Variants in CNTN6 observed in about 807,000 individuals in gnomAD.
CNTN6 encodes the protein contactin-6.
In CNTN6, 137 loss-of-function variants were observed where a neutral mutation model predicts 122.8. The ratio of observed to expected loss-of-function variants is 1.12; its 90% CI spans 0.97 to 1.29. The LOEUF is 1.29. CNTN6 is among the 50% of genes most tolerant of loss of function. The pLI, the probability that CNTN6 is intolerant of heterozygous loss-of-function variation, is 0.00. For missense variants in CNTN6, 1,634 were observed against 1,223.4 expected, an observed-to-expected ratio of 1.34 and a Z score of -5.01; for synonymous variants, 570 against 426.0, an observed-to-expected ratio of 1.34 and a Z score of -4.16.
intron 4 of CNTN6, among the ~76,000 whole-genome samples, chr3:1,272,743 G>A (rs1196528008): frequency 6.6e-6 from 1 of 152,076 alleles, no homozygotes; most frequent in Non-Finnish European, 1.5e-5. Context: ...CTGTGTCAGG[G>A]GCTGGCACTG....
intron 4 of CNTN6, among the ~76,000 whole-genome samples, chr3:1,262,926 ATAAC>A (rs1472687840): frequency 6.6e-6 from 1 of 152,130 alleles, no homozygotes; most frequent in Non-Finnish European, 1.5e-5. Context: ...AAAAAGAAAA[ATAAC>A]TAAAAAATAA....
rs554296749 is a variant in CNTN6, at chr3:1,293,054, T to C, written c.455-2547T>C. ...CATGCGCAAGTAGCATTTACTGTGC[T>C]CCTGCTGTTCCTGGTCTCATCTTTA... On this transcript the variant is annotated intron_variant, in intron 5 of 22. Transcript: ENST00000446702. 9.2e-5 allele frequency among the ~76,000 whole-genome samples: 14 copies of C among 152,296 alleles called. 1 individual carries two copies. Among genetic ancestry groups the C allele is most frequent in the South Asian group, 8.3e-4 (4 of 4,830 alleles).
At chr3:1,281,589 C>T (rs1310408881) in intron 5 of CNTN6, among the ~76,000 whole-genome samples, 4 of 152,002 alleles carry the variant, frequency 2.6e-5, no homozygotes, top group South Asian at 4.2e-4. Context: ...CTCAGCTTCC[C>T]GAGTAGCTGG....
intron 11 of CNTN6, among the ~76,000 whole-genome samples, chr3:1,345,290 A>G (rs966917313): frequency 4.0e-5 from 6 of 151,582 alleles, no homozygotes; most frequent in African/African-American, 1.2e-4. Flanking sequence ...TAATTTTTGT[A>G]TTTTCAGTAC....
chr3:1,254,181 C>G (rs2094716522), intron 4 of CNTN6, among the ~76,000 whole-genome samples: 1 of 152,108 alleles, frequency 6.6e-6, no homozygotes, highest in African/African-American at 2.4e-5. Context: ...CAATTTTCAT[C>G]TCGTGCTTTC....
At chr3:1,382,874 A>G (rs1225565680) in intron 17 of CNTN6, 68 bp from the exon 18 acceptor site, 6 of 1,024,574 alleles carry the variant, frequency 5.9e-6, no homozygotes, top group Admixed American at 2.0e-5. Flanking sequence ...GAAATAATCA[A>G]TAAACATTAT....
At position 1,102,730 on chromosome 3, in the gene CNTN6, A is replaced by AT. The variant is rs1417435448; in HGVS notation, c.-83+9610_-83+9611insT. On this transcript the variant is annotated intron_variant, in intron 1 of 22. Coordinates refer to ENST00000446702, the MANE Select transcript of CNTN6 (RefSeq NM_001289080.2). ...GCGACAGGGCGAGACTCCGTCTCAA[A>AT]AAATAAATAAATACATAAATAAGAA... is the stretch of plus-strand genomic sequence containing the variant. 2.1e-4 allele frequency among the ~76,000 whole-genome samples: 32 copies of AT among 150,164 alleles called. 1 individual carries two copies. The highest frequency in any genetic ancestry group is 7.0e-4 in the African/African-American group (29 of 41,148).
intron 11 of CNTN6, among the ~76,000 whole-genome samples, chr3:1,337,115 G>GA (rs1233352198): frequency 6.6e-6 from 1 of 152,086 alleles, no homozygotes; most frequent in Non-Finnish European, 1.5e-5. Flanking sequence ...ACAAGGAACA[G>GA]AAAAAAATTA....
At chr3:1,302,327 T>C (rs1287005557) in intron 7 of CNTN6, among the ~76,000 whole-genome samples, 1 of 152,148 alleles carries the variant, frequency 6.6e-6, no homozygotes, top group African/African-American at 2.4e-5. Flanking sequence ...CTTTACTCTT[T>C]TGTAAGATGT....
At chr3:1,140,451 A>G (rs938773491) in intron 1 of CNTN6, among the ~76,000 whole-genome samples, 2 of 152,194 alleles carry the variant, frequency 1.3e-5, no homozygotes, top group South Asian at 2.1e-4. Flanking sequence ...TATCACCTAT[A>G]TATGTAAATA....
chr3:1,385,802 GT>G lies in CNTN6; in HGVS notation c.2704+6del. ...ATGTTACCACCAAAAAGTCTCGTAA[GT>G]ATGCATACACTCCAGGAAACAAGAT... On this transcript the variant is annotated splice_donor_region_variant and intron_variant, in intron 20 of 22. Coordinates refer to ENST00000446702, the MANE Select transcript of CNTN6 (RefSeq NM_001289080.2). 6.2e-7 allele frequency: 1 copy of G among 1,604,608 alleles called. No homozygotes were observed.
At chr3:1,360,901 A>G (rs1575857492) in intron 12 of CNTN6, among the ~76,000 whole-genome samples, 1 of 152,084 alleles carries the variant, frequency 6.6e-6, no homozygotes, top group East Asian at 1.9e-4. Context: ...TGTTTAGACC[A>G]AATCCTTGAG....
At chr3:1,141,784 G>C (rs1053978974) in intron 1 of CNTN6, among the ~76,000 whole-genome samples, 5 of 152,156 alleles carry the variant, frequency 3.3e-5, no homozygotes, top group African/African-American at 1.2e-4. Flanking sequence ...CATAGAGTAA[G>C]ATGTTTTAAA....
intron 1 of CNTN6, 150 bp downstream of exon 1, chr3:1,093,270 G>A (rs1321293431): frequency 1.2e-5 from 2 of 171,486 alleles, no homozygotes; most frequent in Admixed American, 5.7e-5. Context: ...TATTGATGCT[G>A]TGTTTCTATG....
intron 5 of CNTN6, among the ~76,000 whole-genome samples, chr3:1,284,427 T>G (rs1019949879): frequency 7.9e-5 from 12 of 152,204 alleles, no homozygotes; most frequent in Non-Finnish European, 2.9e-5. Flanking sequence ...TATGTTACTC[T>G]GAGGCTCTCT....
intron 2 of CNTN6, among the ~76,000 whole-genome samples, chr3:1,167,645 G>C (rs1187872627): frequency 1.3e-5 from 2 of 152,096 alleles, no homozygotes; most frequent in Admixed American, 1.3e-4. Flanking sequence ...AATTGTATTG[G>C]CCCCATTTTA....
chr3:1,113,232 G>T (rs556213010), intron 1 of CNTN6, among the ~76,000 whole-genome samples: 24 of 152,128 alleles, frequency 1.6e-4, no homozygotes, highest in Non-Finnish European at 2.6e-4. Flanking sequence ...TTAACACAAG[G>T]TCTAATTACT....
At chr3:1,283,407 G>A (rs1461261079) in intron 5 of CNTN6, among the ~76,000 whole-genome samples, 5 of 152,026 alleles carry the variant, frequency 3.3e-5, no homozygotes, top group Non-Finnish European at 4.4e-5. Flanking sequence ...TCAGTCACTC[G>A]TCACAAAAAA....
chr3:1,332,529 A>AGGAAGGAAGGAG (rs1333164125), intron 11 of CNTN6, among the ~76,000 whole-genome samples: 9 of 97,380 alleles, frequency 9.2e-5, no homozygotes, highest in South Asian at 4.1e-4. Flanking sequence ...GAAGGAAGGA[A>AGGAAGGAAGGAG]GGAGGGAGGG....
Sources: gnomAD v4.1 joint callset for allele counts (sites outside exome capture counted in the v4.1 genomes callset) on GRCh38, gnomAD v4.1.1 for gene constraint, MANE v1.5 for transcripts, NCBI Gene and HGNC (gene_info 2026-07-23, HGNC 2026-07-21) for gene names.